MYOCD: variants seen among roughly 807,000 people sequenced by gnomAD.
The protein encoded by MYOCD is myocardin.
A neutral mutation model predicts 96.1 loss-of-function variants in MYOCD; 32 were observed. That is an observed-to-expected ratio of 0.33 (90% CI 0.25 to 0.45). MYOCD has a LOEUF of 0.45. Ranked by LOEUF, MYOCD falls within the 20% of genes least tolerant of loss-of-function variation. The probability of loss-of-function intolerance (pLI) is 1.00; values close to 1 mark genes in which losing one functional copy is unlikely to be tolerated. For missense variants in MYOCD, 1,133 were observed against 1,200.6 expected (o/e 0.94, Z 0.83); for synonymous variants, 469 against 469.0 (o/e 1.00, Z 0.00).
At position 12,763,070 on chromosome 17, in the gene MYOCD, C is replaced by T. The variant is rs1338034795; in HGVS notation, c.2390-3C>T. The T allele has an allele frequency of 5.0e-6, 8 of 1,601,248 alleles. No homozygotes were observed. In the East Asian group the frequency reaches 8.9e-5, roughly 18 times the overall value. On this transcript the variant is annotated splice_polypyrimidine_tract_variant and splice_region_variant and intron_variant, in intron 13 of 13. Transcript: ENST00000425538. ...AACAAGTCACATCGTGTATTGCCCA[C>T]AGAAATGCCAGCAGACGCTAGAGAG...
At chr17:12,741,074 T>A (rs1010667529) in intron 7 of MYOCD, among the ~76,000 whole-genome samples, 2 of 152,144 alleles carry the variant, frequency 1.3e-5, no homozygotes, top group African/African-American at 4.8e-5. Context: ...TGGGAACACG[T>A]TTTCTCAGCT....
At chr17:12,741,757 G>A (rs2032519904) in intron 7 of MYOCD, among the ~76,000 whole-genome samples, 1 of 151,762 alleles carries the variant, frequency 6.6e-6, no homozygotes, top group Non-Finnish European at 1.5e-5. Context: ...CCTCACTGTA[G>A]TAGAAAGTAT....
At chr17:12,688,012 A>G (rs1254705550) in intron 1 of MYOCD, among the ~76,000 whole-genome samples, 14 of 152,202 alleles carry the variant, frequency 9.2e-5, no homozygotes, top group Admixed American at 9.2e-4. Flanking sequence ...GATTCTTTGG[A>G]TAATAAAACT....
At position 12,756,505 on chromosome 17, in the gene MYOCD, G is replaced by T. The variant is rs2033015898; in HGVS notation, c.2150G>T (p.Ser717Ile). ...TTCTCTGGAGCCCAAGCAGACAGCA[G>T]TCATGGTGCCGGGGGAAACCCTTGT... ...PPFSGAQADS[S>I]HGAGGNPCPK... Residue 717 changes from serine (S) to isoleucine (I), a missense_variant, in exon 11 of 14, where the codon AGT becomes ATT. Coordinates refer to ENST00000425538, the MANE Select transcript of MYOCD (RefSeq NM_001146312.3). 6.4e-7 allele frequency: 1 copy of T among 1,551,868 alleles called. No homozygotes were observed. Among genetic ancestry groups the T allele is most frequent in the South Asian group, 1.2e-5 (1 of 84,052 alleles).
chr17:12,668,379 A>G (rs1349694640), intron 1 of MYOCD, among the ~76,000 whole-genome samples: 2 of 152,226 alleles, frequency 1.3e-5, no homozygotes, highest in African/African-American at 4.8e-5. Context: ...AACATATTTC[A>G]AAAAATAAAT....
chr17:12,768,462 A>T lies in MYOCD; in HGVS notation c.*4818A>T, dbSNP rs1223846068. 6.6e-6 allele frequency: 1 copy of T among 152,236 alleles called. No homozygotes were observed. Among genetic ancestry groups the T allele is most frequent in the Non-Finnish European group, 1.5e-5 (1 of 68,054 alleles). The allele number at this position is 152,236 out of a possible 1,614,324, so 9.4% of individuals were successfully genotyped here. ...TGGATTAAGACAAACCAACGCCAGA[A>T]GGTCTCCTGTGCTTATTTTAACCAT... On this transcript the variant is annotated 3_prime_UTR_variant, in exon 14 of 14. Transcript: ENST00000425538.
chr17:12,727,071 A>T (rs1836849026), intron 5 of MYOCD, among the ~76,000 whole-genome samples: 1 of 152,136 alleles, frequency 6.6e-6, no homozygotes, highest in African/African-American at 2.4e-5. Flanking sequence ...CCAGTGGAGG[A>T]AGGTAGTTGC....
intron 2 of MYOCD, among the ~76,000 whole-genome samples, chr17:12,707,654 C>G (rs1330107824): frequency 2.6e-5 from 4 of 152,150 alleles, no homozygotes; most frequent in Non-Finnish European, 4.4e-5. Flanking sequence ...GCAGAGCTTG[C>G]AGTGAGCAGA....
intron 1 of MYOCD, among the ~76,000 whole-genome samples, chr17:12,692,283 TTTC>T (rs1164064925): frequency 6.6e-6 from 1 of 152,208 alleles, no homozygotes; most frequent in Non-Finnish European, 1.5e-5. Flanking sequence ...AAAGCTCCCT[TTTC>T]TTCTTTAGAT....
At chr17:12,700,580 A>AT (rs1003961657) in intron 1 of MYOCD, among the ~76,000 whole-genome samples, 1 of 149,594 alleles carries the variant, frequency 6.7e-6, no homozygotes, top group African/African-American at 2.5e-5. Flanking sequence ...CACCCAGCTA[A>AT]TTTTTTTGTA....
At chr17:12,761,026 C>T in intron 13 of MYOCD, 1 of 244,416 alleles carries the variant, frequency 4.1e-6, no homozygotes, top group East Asian at 7.5e-5. Context: ...ATCTCAATGC[C>T]CCTACCTTCT....
Position 12,736,356 on chromosome 17 carries a change from A to G in MYOCD, c.591+20A>G. On this transcript the variant is annotated intron_variant, in intron 6 of 13. Coordinates refer to ENST00000425538, the MANE Select transcript of MYOCD (RefSeq NM_001146312.3). ...AACCAGGTAAAAAACAAAACAAACA[A>G]ACGAAAAAAGTAAAACAGCATCTCA... The G allele has an allele frequency of 6.2e-7, 1 of 1,609,354 alleles. No homozygotes were observed. Among genetic ancestry groups the G allele is most frequent in the Non-Finnish European group, 8.5e-7 (1 of 1,176,864 alleles).
intron 1 of MYOCD, among the ~76,000 whole-genome samples, chr17:12,693,223 C>T (rs529837775): frequency 2.1e-4 from 32 of 152,232 alleles, no homozygotes; most frequent in African/African-American, 7.7e-4. Context: ...GGTGGTAGAA[C>T]TTGCTACTTG....
chr17:12,758,801 C>T (rs1246758359), intron 12 of MYOCD, among the ~76,000 whole-genome samples: 1 of 152,202 alleles, frequency 6.6e-6, no homozygotes, highest in African/African-American at 2.4e-5. Context: ...GTAATCCCAG[C>T]ACTTTGGGAG....
chr17:12,711,985 G>A (rs914356959), intron 2 of MYOCD, among the ~76,000 whole-genome samples: 1 of 148,928 alleles, frequency 6.7e-6, no homozygotes, highest in East Asian at 2.0e-4. Flanking sequence ...ATGCAGTGGC[G>A]CGATCTTGGC....
chr17:12,670,498 T>C (rs1909643948), intron 1 of MYOCD, among the ~76,000 whole-genome samples: 1 of 151,582 alleles, frequency 6.6e-6, no homozygotes, highest in Non-Finnish European at 1.5e-5. Context: ...CCAAGATTTT[T>C]ATCATAATGG....
chr17:12,751,965 G>T (rs1315659005), intron 9 of MYOCD, among the ~76,000 whole-genome samples: 1 of 152,176 alleles, frequency 6.6e-6, no homozygotes. Context: ...TCTGGCGCAT[G>T]TTCAGGTTTG....
rs28730829 is a variant in MYOCD, at chr17:12,763,317, C to T, written c.2634C>T (p.Ser878=). 3.5e-3 allele frequency: 5,682 copies of T among 1,608,058 alleles called. 170 individuals carry two copies. In the African/African-American group the frequency reaches 0.06, roughly 17 times the overall value. The change falls in exon 14 of 14, where the codon AGC becomes AGT. Residue 878 remains serine (S), a synonymous_variant. Coordinates refer to ENST00000425538, the MANE Select transcript of MYOCD (RefSeq NM_001146312.3). ...MSDVTLLKIG[S]EEPHFDGIMD... is the part of the protein sequence containing the mutation. ...ATGTCACCCTTCTAAAAATTGGGAG[C>T]GAAGAGCCTCACTTTGATGGGATAA...
Position 12,763,452 on chromosome 17 carries a change from C to A in MYOCD, c.2769C>A (p.Ser923Arg), listed in dbSNP as rs1231610006. The part of the protein sequence containing the change: ...QTQFSPSSVD[S>R]NGLQLSFTES... ...AGTTTTCACCCTCTTCTGTGGACAG[C>A]AATGGGCTGCAGTTAAGCTTCACTG... Residue 923 changes from serine (S) to arginine (R), a missense_variant, in exon 14 of 14, where the codon AGC becomes AGA. Physicochemically the swap from Ser to Arg is moderately radical, Grantham distance 110 (BLOSUM62 -1). Coordinates refer to ENST00000425538, the MANE Select transcript of MYOCD (RefSeq NM_001146312.3). The A allele has an allele frequency of 6.2e-7, 1 of 1,614,020 alleles. No individual in the cohort carries two copies. Among genetic ancestry groups the A allele is most frequent in the Non-Finnish European group, 8.5e-7 (1 of 1,179,942 alleles).
Sources: gnomAD v4.1 joint callset for allele counts (sites outside exome capture counted in the v4.1 genomes callset) on GRCh38, gnomAD v4.1.1 for gene constraint, MANE v1.5 for transcripts, NCBI Gene and HGNC (gene_info 2026-07-23, HGNC 2026-07-21) for gene names.